Variants in RMND5A observed in about 807,000 individuals in gnomAD.
The protein encoded by RMND5A is E3 ubiquitin-protein transferase RMND5A.
A neutral mutation model predicts 49.7 loss-of-function variants in RMND5A; 17 were observed. The ratio of observed to expected loss-of-function variants is 0.34; its 90% CI spans 0.23 to 0.51. The LOEUF is 0.51. RMND5A is among the 20% of genes least tolerant of loss of function. The pLI is 0.96. For missense variants in RMND5A, 255 were observed against 471.3 expected (o/e 0.54, Z 4.25); for synonymous variants, 156 against 167.7 (o/e 0.93, Z 0.54).
At chr2:86,740,781 C>T (rs1379016810) in intron 1 of RMND5A, 146 bp from the exon 2 acceptor site, 3 of 1,213,014 alleles carry the variant, frequency 2.5e-6, no homozygotes, top group Non-Finnish European at 3.3e-6. Context: ...AAAATCACAT[C>T]TATGAATGTG....
At chr2:86,749,083 C>T (rs575715218) in intron 2 of RMND5A, among the ~76,000 whole-genome samples, 4 of 152,234 alleles carry the variant, frequency 2.6e-5, no homozygotes, top group Admixed American at 6.5e-5. Context: ...ATTTGAATGG[C>T]CCTTTGGGAA....
Position 86,777,919 on chromosome 2 carries a change from T to C in RMND5A, c.*4508T>C, listed in dbSNP as rs1672796262. On this transcript the variant is annotated 3_prime_UTR_variant, in exon 9 of 9. Transcript: ENST00000283632. Reference sequence around the variant, plus strand: ...TATATTTAATTTATAAATTTCGGACTGATATAATAGAGTTTTGGAAAACTA... The same window carrying C: ...TATATTTAATTTATAAATTTCGGACCGATATAATAGAGTTTTGGAAAACTA... 3 of 152,248 alleles carry C rather than the reference T, an allele frequency of 2.0e-5. No homozygotes were observed. Among genetic ancestry groups the C allele is most frequent in the African/African-American group, 7.2e-5 (3 of 41,464 alleles). 9.4% of individuals were successfully genotyped at this position (152,248 alleles called of 1,614,324 possible).
At chr2:86,734,374 A>G (rs1659718005) in intron 1 of RMND5A, among the ~76,000 whole-genome samples, 1 of 149,668 alleles carries the variant, frequency 6.7e-6, no homozygotes, top group Non-Finnish European at 1.5e-5. Flanking sequence ...ATATCAGTGG[A>G]TTTCAAGGTT....
intron 1 of RMND5A, among the ~76,000 whole-genome samples, chr2:86,728,579 C>T (rs1573427674): frequency 2.4e-5 from 2 of 84,164 alleles, no homozygotes; most frequent in East Asian, 5.7e-4. Flanking sequence ...GCTGGGATTA[C>T]AGGCATGAGC....
chr2:86,743,938 AC>A (rs888967900), intron 2 of RMND5A, among the ~76,000 whole-genome samples: 2 of 150,994 alleles, frequency 1.3e-5, no homozygotes, highest in African/African-American at 4.9e-5. Context: ...AGATTGCACC[AC>A]TGCACTCCAG....
intron 4 of RMND5A, among the ~76,000 whole-genome samples, chr2:86,757,304 C>G (rs1681759989): frequency 6.6e-6 from 1 of 151,730 alleles, no homozygotes; most frequent in Non-Finnish European, 1.5e-5. Context: ...CTAATCAGGA[C>G]CTTGCCTGCT....
intron 4 of RMND5A, among the ~76,000 whole-genome samples, chr2:86,756,666 A>G (rs1042185920): frequency 1.3e-5 from 2 of 152,172 alleles, no homozygotes; most frequent in Non-Finnish European, 2.9e-5. Flanking sequence ...AATTCCCTTT[A>G]CTCAACTTAC....
chr2:86,743,598 C>T (rs1681487493), intron 2 of RMND5A, among the ~76,000 whole-genome samples: 1 of 151,914 alleles, frequency 6.6e-6, no homozygotes, highest in Admixed American at 6.6e-5. Context: ...CTGAGTAGTG[C>T]CCAGCCCAAA....
intron 7 of RMND5A, 85 bp from the exon 8 acceptor site, chr2:86,771,473 C>G: frequency 8.4e-7 from 1 of 1,192,176 alleles, no homozygotes; most frequent in Non-Finnish European, 1.2e-6. Flanking sequence ...GATCAATGTT[C>G]TTTGCTGCAC....
At chr2:86,753,413 C>G (rs776677325) in intron 3 of RMND5A, 45 bp from the exon 4 acceptor site, 1 of 1,161,958 alleles carries the variant, frequency 8.6e-7, no homozygotes, top group Non-Finnish European at 1.3e-6. Context: ...AGCTCCTTAC[C>G]CTGATTACTG....
intron 4 of RMND5A, among the ~76,000 whole-genome samples, chr2:86,764,746 G>A (rs1672561915): frequency 6.6e-6 from 1 of 152,182 alleles, no homozygotes; most frequent in Admixed American, 6.5e-5. Flanking sequence ...GCTTCAAAGT[G>A]TGGTCCTATG....
intron 3 of RMND5A, among the ~76,000 whole-genome samples, chr2:86,753,021 A>G (rs1681662528): frequency 6.6e-6 from 1 of 152,206 alleles, no homozygotes; most frequent in African/African-American, 2.4e-5. Flanking sequence ...TTTCTTGCAC[A>G]GAAATCGGTA....
intron 6 of RMND5A, among the ~76,000 whole-genome samples, chr2:86,766,305 C>T (rs1465918087): frequency 1.3e-5 from 2 of 152,158 alleles, no homozygotes; most frequent in Middle Eastern, 3.2e-3. Context: ...CTGCTAGAGC[C>T]TTAGCACAAG....
At chr2:86,721,415 G>T (rs547852780) in intron 1 of RMND5A, among the ~76,000 whole-genome samples, 99 of 152,038 alleles carry the variant, frequency 6.5e-4, no homozygotes, top group African/African-American at 2.3e-3. Flanking sequence ...CTCCGCAGCG[G>T]CTCTGACATG....
At chr2:86,721,033 G>T in intron 1 of RMND5A, 1 of 443,242 alleles carries the variant, frequency 2.3e-6, no homozygotes, top group Non-Finnish European at 3.9e-6. Flanking sequence ...CGAACCACCC[G>T]GAAACCCAGC....
rs1672734805 is a variant in RMND5A at position 86,774,547 on chromosome 2, T to C, written c.*1136T>C. Reference sequence around the variant, plus strand: ...TGGATACAGATAATGATCTTTTCTCTTGTGAGGTATCTTCATTTATGCACT... The same window carrying C: ...TGGATACAGATAATGATCTTTTCTCCTGTGAGGTATCTTCATTTATGCACT... On this transcript the variant is annotated 3_prime_UTR_variant, in exon 9 of 9. Transcript: ENST00000283632. 1 of 152,702 alleles carries C rather than the reference T, an allele frequency of 6.5e-6. No homozygotes were observed. Among genetic ancestry groups the C allele is most frequent in the South Asian group, 2.1e-4 (1 of 4,834 alleles). 9.5% of individuals were successfully genotyped at this position (152,702 alleles called of 1,614,324 possible). A position where few individuals can be genotyped will look rare whatever the true frequency, so the allele number is the denominator to read the frequency against.
At chr2:86,732,470 CA>C (rs1681348087) in intron 1 of RMND5A, among the ~76,000 whole-genome samples, 1 of 143,858 alleles carries the variant, frequency 7.0e-6, no homozygotes, top group Non-Finnish European at 1.5e-5. Context: ...CGGAGCTGGA[CA>C]CGAGACGTGC....
intron 4 of RMND5A, among the ~76,000 whole-genome samples, chr2:86,754,557 C>G (rs1681695383): frequency 6.6e-6 from 1 of 151,912 alleles, no homozygotes; most frequent in Admixed American, 6.6e-5. Flanking sequence ...TTTTTTCTTT[C>G]TAATCATTTC....
chr2:86,728,132 GGGA>G (rs1681299064), intron 1 of RMND5A, among the ~76,000 whole-genome samples: 1 of 88,226 alleles, frequency 1.1e-5, no homozygotes, highest in Non-Finnish European at 2.3e-5. Context: ...GAAGACATTT[GGGA>G]GGAGATGAGG....
Sources: allele counts gnomAD v4.1 joint callset (sites outside exome capture counted in the v4.1 genomes callset), GRCh38; gene constraint gnomAD v4.1.1; transcripts MANE v1.5; gene names NCBI Gene and HGNC (gene_info 2026-07-23, HGNC 2026-07-21).